PPP1R9A: variants seen among roughly 807,000 people sequenced by gnomAD.
PPP1R9A encodes the protein neurabin-1.
Under a neutral mutation model 141.9 loss-of-function variants are expected in PPP1R9A, and 59 were observed. The ratio of observed to expected loss-of-function variants is 0.42; its 90% CI spans 0.34 to 0.52. The LOEUF (loss-of-function observed/expected upper bound fraction) is 0.52, where lower values mean the gene tolerates loss of function less well. PPP1R9A is among the 20% of genes least tolerant of loss of function. The pLI, the probability that PPP1R9A is intolerant of heterozygous loss-of-function variation, is 0.10. For synonymous variants in PPP1R9A, 500 were observed against 569.7 expected (o/e 0.88, Z 1.74); for missense variants, 1,444 against 1,611.9 (o/e 0.90, Z 1.78).
chr7:95,094,407 T>C (rs1283927898), intron 2 of PPP1R9A, among the ~76,000 whole-genome samples: 2 of 152,210 alleles, frequency 1.3e-5, no homozygotes, highest in Non-Finnish European at 2.9e-5. Context: ...TTCTCTCTCC[T>C]CTGTCACTCT....
Position 95,226,101 on chromosome 7 carries a change from T to A in PPP1R9A, c.2097T>A (p.Ser699Arg), listed in dbSNP as rs1448953217. 1 of 1,612,898 alleles carries A rather than the reference T, an allele frequency of 6.2e-7. No homozygotes were observed. Among genetic ancestry groups the A allele is most frequent in the Non-Finnish European group, 8.5e-7 (1 of 1,179,128 alleles). Reference protein sequence around the residue: ...SPSELDTSKLSHKFKELQIKH... With the variant: ...SPSELDTSKLRHKFKELQIKH... ...CAGAACTGGACACAAGCAAGCTCAG[T>A]CACAAGTTCAAAGAGGTATGCCACT... Residue 699 changes from serine to arginine, a missense_variant, in exon 8 of 20, where the codon AGT (serine) becomes AGA (arginine). Transcript: ENST00000433360.
chr7:95,051,439 T>A (rs1270973949), intron 2 of PPP1R9A, among the ~76,000 whole-genome samples: 1 of 152,164 alleles, frequency 6.6e-6, no homozygotes, highest in African/African-American at 2.4e-5. Flanking sequence ...TTCTTCTCCT[T>A]CAGTATTGTG....
intron 2 of PPP1R9A, among the ~76,000 whole-genome samples, chr7:95,107,804 A>G (rs1052963368): frequency 6.6e-6 from 1 of 152,000 alleles, no homozygotes; most frequent in Non-Finnish European, 1.5e-5. Context: ...TTTATTTTTT[A>G]TTGTCTTGAA....
chr7:94,939,833 C>T (rs973421599), intron 2 of PPP1R9A, among the ~76,000 whole-genome samples: 3 of 151,272 alleles, frequency 2.0e-5, no homozygotes, highest in South Asian at 4.2e-4. Context: ...CACACACACA[C>T]ACACACACAC....
chr7:95,110,607 T>G (rs1820382488), intron 2 of PPP1R9A, among the ~76,000 whole-genome samples: 1 of 152,148 alleles, frequency 6.6e-6, no homozygotes, highest in Non-Finnish European at 1.5e-5. Context: ...GAAGGCCACA[T>G]TTAGTTGTCT....
intron 2 of PPP1R9A, among the ~76,000 whole-genome samples, chr7:95,068,370 T>A (rs1425628986): frequency 2.1e-5 from 3 of 146,126 alleles, no homozygotes; most frequent in African/African-American, 7.7e-5. Context: ...CTTGGGAGGC[T>A]GAGGCAGGAG....
chr7:95,115,294 A>G (rs1216600408), intron 3 of PPP1R9A, among the ~76,000 whole-genome samples: 1 of 152,150 alleles, frequency 6.6e-6, no homozygotes, highest in East Asian at 1.9e-4. Flanking sequence ...CCCAGAAATA[A>G]TTTATGTCCT....
At chr7:95,217,935 G>A (rs974694283) in intron 7 of PPP1R9A, among the ~76,000 whole-genome samples, 2 of 151,818 alleles carry the variant, frequency 1.3e-5, no homozygotes, top group Admixed American at 6.6e-5. Context: ...CTGGATTCAC[G>A]GATTTTTTGA....
At chr7:95,250,987 C>G (rs1011601508) in intron 10 of PPP1R9A, among the ~76,000 whole-genome samples, 17 of 152,104 alleles carry the variant, frequency 1.1e-4, no homozygotes, top group African/African-American at 3.9e-4. Flanking sequence ...CTTTTCTGGT[C>G]TTCCATGCCA....
Position 95,095,788 on chromosome 7 carries a change from C to T in PPP1R9A, c.1396-15471C>T, listed in dbSNP as rs913463920. ...GAGTCTAATCTTAGGTTTACAAGCT[C>T]AGCCTTGTACCACAGCATCAGTGTC... On this transcript the variant is annotated intron_variant, in intron 2 of 19. Coordinates refer to ENST00000433360, the MANE Select transcript of PPP1R9A (RefSeq NM_001166160.2). 2.0e-5 allele frequency among the ~76,000 whole-genome samples: 3 copies of T among 152,196 alleles called. No homozygotes were observed. The East Asian group carries it at 5.8e-4, about 29-fold the overall frequency.
At chr7:95,255,153 G>A (rs1368931173) in intron 12 of PPP1R9A, among the ~76,000 whole-genome samples, 1 of 152,028 alleles carries the variant, frequency 6.6e-6, no homozygotes, top group Non-Finnish European at 1.5e-5. Context: ...TTTCATGCTT[G>A]TCATTTCTTA....
chr7:95,053,460 C>T (rs1811084162), intron 2 of PPP1R9A, among the ~76,000 whole-genome samples: 1 of 152,036 alleles, frequency 6.6e-6, no homozygotes, highest in African/African-American at 2.4e-5. Context: ...AGTATTGCAG[C>T]AAAATTCAAT....
intron 2 of PPP1R9A, among the ~76,000 whole-genome samples, chr7:95,006,894 C>T (rs887846169): frequency 1.3e-4 from 20 of 150,612 alleles, no homozygotes; most frequent in East Asian, 4.0e-4. Context: ...CGGAGTTTCG[C>T]GCTTGTTGCC....
intron 2 of PPP1R9A, among the ~76,000 whole-genome samples, chr7:94,938,209 A>G (rs923024182): frequency 1.3e-5 from 2 of 152,134 alleles, no homozygotes; most frequent in Non-Finnish European, 2.9e-5. Flanking sequence ...TTAAAGGTGC[A>G]TGAACCCTAT....
intron 7 of PPP1R9A, among the ~76,000 whole-genome samples, 197 bp from the exon 8 acceptor site, chr7:95,225,764 A>G (rs1272757425): frequency 6.6e-6 from 1 of 152,232 alleles, no homozygotes; most frequent in African/African-American, 2.4e-5. Flanking sequence ...TGTATATGGC[A>G]TAGGTTTGTC....
chr7:94,921,726 C>T (rs925222005), intron 2 of PPP1R9A, among the ~76,000 whole-genome samples: 2 of 151,972 alleles, frequency 1.3e-5, no homozygotes, highest in Non-Finnish European at 1.5e-5. Context: ...GAAGTTTATT[C>T]TGTAGGTGGA....
chr7:94,952,022 T>C (rs1796532200), intron 2 of PPP1R9A, among the ~76,000 whole-genome samples: 1 of 137,738 alleles, frequency 7.3e-6, no homozygotes, highest in African/African-American at 2.5e-5. Flanking sequence ...GTTTGTTACA[T>C]AGGTATACAT....
chr7:95,053,765 C>T (rs1446088954), intron 2 of PPP1R9A, among the ~76,000 whole-genome samples: 1 of 152,158 alleles, frequency 6.6e-6, no homozygotes, highest in Admixed American at 6.5e-5. Flanking sequence ...GATCTTCCCT[C>T]ATTTAGGTTT....
chr7:95,250,363 C>A (rs1798704326), intron 10 of PPP1R9A, 108 bp downstream of exon 10: 1 of 977,548 alleles, frequency 1.0e-6, no homozygotes, highest in Non-Finnish European at 1.5e-6. Flanking sequence ...TTAGAGATAT[C>A]TTTCCTATCC....
Sources: gnomAD v4.1 joint callset for allele counts (sites outside exome capture counted in the v4.1 genomes callset) on GRCh38, gnomAD v4.1.1 for gene constraint, MANE v1.5 for transcripts, NCBI Gene and HGNC (gene_info 2026-07-23, HGNC 2026-07-21) for gene names.